PDZD2: variants seen among roughly 807,000 people sequenced by gnomAD.
PDZD2 encodes PDZ domain-containing protein 2.
Under a neutral mutation model 220.7 loss-of-function variants are expected in PDZD2, and 90 were observed. The observed-to-expected ratio is 0.41, with a 90% CI of 0.34 to 0.49. The LOEUF (loss-of-function observed/expected upper bound fraction) is 0.49, where lower values mean the gene tolerates loss of function less well. PDZD2 is among the 20% of genes least tolerant of loss of function. The pLI is 0.28. For missense variants in PDZD2, 3,174 were observed against 3,608.5 expected (o/e 0.88, Z 3.08); for synonymous variants, 1,375 against 1,450.5 (o/e 0.95, Z 1.18).
chr5:32,031,426 C>T (rs181492571), intron 6 of PDZD2, among the ~76,000 whole-genome samples: 7 of 152,258 alleles, frequency 4.6e-5, no homozygotes, highest in South Asian at 2.1e-4. Flanking sequence ...TGTTCTTGTG[C>T]GCAAACCTGA....
chr5:32,025,185 G>A (rs1188129870), intron 6 of PDZD2, among the ~76,000 whole-genome samples: 1 of 152,210 alleles, frequency 6.6e-6, no homozygotes, highest in African/African-American at 2.4e-5. Flanking sequence ...AGCTCATATT[G>A]ATCTGGGGAA....
intron 2 of PDZD2, among the ~76,000 whole-genome samples, chr5:31,916,164 C>G (rs1743658817): frequency 6.6e-6 from 1 of 152,210 alleles, no homozygotes; most frequent in Non-Finnish European, 1.5e-5. Context: ...CTGCAGAACA[C>G]TGTGTTTACA....
At chr5:31,805,425 G>A (rs1351607273) in intron 2 of PDZD2, among the ~76,000 whole-genome samples, 1 of 152,176 alleles carries the variant, frequency 6.6e-6, no homozygotes, top group African/African-American at 2.4e-5. Context: ...AAAGTGGTAA[G>A]TAGAAATTAG....
intron 1 of PDZD2, among the ~76,000 whole-genome samples, chr5:31,689,173 G>A (rs1580567664): frequency 6.6e-6 from 1 of 151,410 alleles, no homozygotes; most frequent in African/African-American, 2.4e-5. Flanking sequence ...GGTTCAGGCA[G>A]TTCTCCTGCC....
chr5:31,970,969 A>T (rs1749245629), intron 2 of PDZD2, among the ~76,000 whole-genome samples: 1 of 152,134 alleles, frequency 6.6e-6, no homozygotes, highest in Non-Finnish European at 1.5e-5. Context: ...AGCACCTCAA[A>T]CTCAAGGTGT....
At chr5:31,736,878 ATG>A (rs1466914436) in intron 1 of PDZD2, among the ~76,000 whole-genome samples, 4 of 151,990 alleles carry the variant, frequency 2.6e-5, no homozygotes, top group Admixed American at 2.6e-4. Context: ...GGTGGTTTAA[ATG>A]TGTGTGGCAC....
intron 2 of PDZD2, among the ~76,000 whole-genome samples, chr5:31,800,954 A>T (rs146670349): frequency 2.0e-5 from 3 of 152,274 alleles, no homozygotes; most frequent in Admixed American, 6.5e-5. Flanking sequence ...CTTGACCTTA[A>T]TCTTCATCCT....
In PDZD2 at chr5:31,899,705, G is replaced by A. The variant is rs1298847364; in HGVS notation, c.477-83450G>A. Among the ~76,000 whole-genome samples, 5 of 152,156 alleles carry A rather than the reference G, an allele frequency of 3.3e-5. 1 individual carries two copies. On this transcript the variant is annotated intron_variant, in intron 2 of 24. Coordinates refer to ENST00000438447, the MANE Select transcript of PDZD2 (RefSeq NM_178140.4). ...TCCTAACCCTCAAGGTGGTGGTATT[G>A]GGAAGTGGGGCCTTTTGGGAGCTGA... is the stretch of plus-strand genomic sequence containing the variant.
chr5:31,961,108 C>T (rs935328580), intron 2 of PDZD2, among the ~76,000 whole-genome samples: 2 of 152,324 alleles, frequency 1.3e-5, no homozygotes, highest in African/African-American at 4.8e-5. Context: ...ATCAGGAATT[C>T]CCCTTTTGGG....
chr5:31,801,873 G>A (rs1279617795), intron 2 of PDZD2, among the ~76,000 whole-genome samples: 1 of 152,138 alleles, frequency 6.6e-6, no homozygotes, highest in Non-Finnish European at 1.5e-5. Flanking sequence ...GTCTTTAGGA[G>A]GCAAAGTTTT....
At chr5:32,016,948 CCT>C (rs1753832896) in intron 6 of PDZD2, among the ~76,000 whole-genome samples, 1 of 152,152 alleles carries the variant, frequency 6.6e-6, no homozygotes, top group Admixed American at 6.5e-5. Context: ...GGGCAGGGCC[CCT>C]GTCAGGTTTG....
chr5:31,662,682 TG>T (rs1278283758), intron 1 of PDZD2, among the ~76,000 whole-genome samples: 3 of 152,134 alleles, frequency 2.0e-5, no homozygotes, highest in South Asian at 2.1e-4. Flanking sequence ...CAGGATGGAG[TG>T]CAGTGGCGCA....
At chr5:32,071,044 A>G (rs111869021) in intron 15 of PDZD2, among the ~76,000 whole-genome samples, 19 of 152,356 alleles carry the variant, frequency 1.2e-4, no homozygotes, top group African/African-American at 4.6e-4. Context: ...AAGGGAGACA[A>G]GACACATCCA....
At chr5:31,689,435 T>C (rs1747029469) in intron 1 of PDZD2, among the ~76,000 whole-genome samples, 1 of 145,198 alleles carries the variant, frequency 6.9e-6, no homozygotes, top group South Asian at 2.2e-4. Flanking sequence ...CCTCAGGAGA[T>C]CTGCCCGCCT....
At chr5:31,858,520 CAA>C (rs1010023919) in intron 2 of PDZD2, among the ~76,000 whole-genome samples, 7 of 152,156 alleles carry the variant, frequency 4.6e-5, no homozygotes, top group African/African-American at 1.4e-4. Context: ...AACTTTGAAA[CAA>C]AGATGATTAC....
At chr5:32,042,892 G>T (rs1034472716) in intron 7 of PDZD2, among the ~76,000 whole-genome samples, 3 of 152,150 alleles carry the variant, frequency 2.0e-5, no homozygotes, top group Admixed American at 2.0e-4. Context: ...TCCCAGGGAG[G>T]TGCCCAGAAC....
At chr5:31,921,055 A>G (rs758603913) in intron 2 of PDZD2, among the ~76,000 whole-genome samples, 1 of 152,208 alleles carries the variant, frequency 6.6e-6, no homozygotes, top group Non-Finnish European at 1.5e-5. Context: ...GGCAATTATG[A>G]ATGAAGCTGC....
At chr5:31,925,362 A>G (rs1744653846) in intron 2 of PDZD2, among the ~76,000 whole-genome samples, 1 of 152,166 alleles carries the variant, frequency 6.6e-6, no homozygotes, top group Admixed American at 6.5e-5. Context: ...AAAATGAGGA[A>G]AGGACTGTCT....
chr5:31,738,202 A>T (rs942209696), intron 1 of PDZD2: 3 of 152,152 alleles, frequency 2.0e-5, no homozygotes, highest in Non-Finnish European at 4.4e-5. Flanking sequence ...TTAACCTCAG[A>T]CTTTCTCACA....
Sources: allele counts gnomAD v4.1 joint callset (sites outside exome capture counted in the v4.1 genomes callset), GRCh38; gene constraint gnomAD v4.1.1; transcripts MANE v1.5; gene names NCBI Gene and HGNC (gene_info 2026-07-23, HGNC 2026-07-21).